Variants in CFAP54 observed in about 807,000 individuals in gnomAD.
CFAP54 encodes cilia and flagella associated protein 54, also known as cilia- and flagella-associated protein 54.
Under a neutral mutation model 370.4 loss-of-function variants are expected in CFAP54, and 290 were observed. The observed-to-expected ratio is 0.78, with a 90% CI of 0.71 to 0.86. CFAP54 has a LOEUF of 0.86. CFAP54 is among the 40% of genes least tolerant of loss of function. The pLI, the probability that CFAP54 is intolerant of heterozygous loss-of-function variation, is 0.00. For synonymous variants in CFAP54, 1,206 were observed against 1,236.5 expected (o/e 0.98, Z 0.52); for missense variants, 3,399 against 3,528.7 (o/e 0.96, Z 0.93).
At chr12:96,589,326 C>T in intron 22 of CFAP54, 101 bp from the exon 23 acceptor site, 1 of 954,312 alleles carries the variant, frequency 1.0e-6, no homozygotes, top group Non-Finnish European at 1.5e-6. Flanking sequence ...TGTGATAGCA[C>T]CTTATAAAAT....
intron 58 of CFAP54, among the ~76,000 whole-genome samples, chr12:96,759,210 C>T (rs531427831): frequency 3.3e-5 from 5 of 151,584 alleles, no homozygotes; most frequent in African/African-American, 7.3e-5. Context: ...GTAAATGGCC[C>T]CTCTTTTTTT....
chr12:96,489,722 C>G lies in CFAP54; in HGVS notation c.113C>G (p.Ser38Trp). 1 of 1,536,066 alleles carries G rather than the reference C, an allele frequency of 6.5e-7. No individual in the cohort carries two copies. Among genetic ancestry groups the G allele is most frequent in the Non-Finnish European group, 8.7e-7 (1 of 1,146,892 alleles). ...GCGACTTCGAGGTCGCCCCCAGAGTCGAAGGGGAGCTCCCGGAGCTCGCTG... is the reference window on the plus strand; with the variant it reads ...GCGACTTCGAGGTCGCCCCCAGAGTGGAAGGGGAGCTCCCGGAGCTCGCTG... Reference protein sequence around the residue: ...STATSRSPPESKGSSRSSLLQ... With the variant: ...STATSRSPPEWKGSSRSSLLQ... The change falls in exon 1 of 68, where the codon TCG becomes TGG. Residue 38 changes from serine (S) to tryptophan (W), a missense_variant. Transcript: ENST00000524981.
At chr12:96,677,497 C>T (rs963525911) in intron 39 of CFAP54, among the ~76,000 whole-genome samples, 5 of 152,066 alleles carry the variant, frequency 3.3e-5, no homozygotes, top group South Asian at 2.1e-4. Context: ...CTACAATCTT[C>T]GGGGTGTTGT....
At chr12:96,802,410 C>T (rs1958829637) in intron 63 of CFAP54, among the ~76,000 whole-genome samples, 1 of 152,164 alleles carries the variant, frequency 6.6e-6, no homozygotes. Flanking sequence ...GGAGACCAAA[C>T]TATCCTAAGC....
At chr12:96,523,707 C>T (rs114398219) in intron 8 of CFAP54, among the ~76,000 whole-genome samples, 18,305 of 52,830 alleles carry the variant, frequency 0.35, 1,182 homozygotes, top group East Asian at 0.47. Context: ...TTTTTCTCCC[C>T]GGCATTTTTT....
At chr12:96,500,622 TA>T (rs902531410) in intron 1 of CFAP54, among the ~76,000 whole-genome samples, 7 of 151,870 alleles carry the variant, frequency 4.6e-5, no homozygotes, top group Admixed American at 2.0e-4. Context: ...GTAAAGTATC[TA>T]AAAAAAATAT....
chr12:96,521,232 C>G (rs981978798), intron 6 of CFAP54, among the ~76,000 whole-genome samples: 1 of 152,122 alleles, frequency 6.6e-6, no homozygotes, highest in Non-Finnish European at 1.5e-5. Context: ...AAATAAGGGA[C>G]ATGAACTCTT....
chr12:96,872,435 A>G (rs1329435247), intron 67 of CFAP54, among the ~76,000 whole-genome samples: 1 of 152,200 alleles, frequency 6.6e-6, no homozygotes, highest in Admixed American at 6.5e-5. Context: ...AAAGACACCA[A>G]CAGATTGAAA....
intron 15 of CFAP54, among the ~76,000 whole-genome samples, chr12:96,551,094 C>G (rs1955688618): frequency 6.6e-6 from 1 of 152,042 alleles, no homozygotes; most frequent in Non-Finnish European, 1.5e-5. Flanking sequence ...TATGGTGAAA[C>G]CATGACTCTG....
intron 63 of CFAP54, among the ~76,000 whole-genome samples, chr12:96,794,142 T>C (rs1162714705): frequency 6.6e-6 from 1 of 152,186 alleles, no homozygotes; most frequent in African/African-American, 2.4e-5. Context: ...ATATGTTATC[T>C]GATACTTTTG....
chr12:96,729,126 G>T (rs55634348), intron 50 of CFAP54, among the ~76,000 whole-genome samples: 1 of 151,834 alleles, frequency 6.6e-6, no homozygotes, highest in African/African-American at 2.4e-5. Flanking sequence ...CGGGGGTCAG[G>T]GGTCGGGGAC....
chr12:96,712,637 A>G (rs1243301525), intron 48 of CFAP54, among the ~76,000 whole-genome samples: 1 of 151,988 alleles, frequency 6.6e-6, no homozygotes, highest in Non-Finnish European at 1.5e-5. Context: ...ATCTAATTTT[A>G]TGTTTGTACC....
intron 51 of CFAP54, among the ~76,000 whole-genome samples, chr12:96,741,785 A>G (rs919124168): frequency 3.9e-5 from 6 of 152,174 alleles, no homozygotes; most frequent in African/African-American, 9.7e-5. Flanking sequence ...AGGGTGGCAA[A>G]TTAATTATAA....
chr12:96,685,904 G>T (rs902139389), intron 42 of CFAP54, among the ~76,000 whole-genome samples: 1 of 152,194 alleles, frequency 6.6e-6, no homozygotes, highest in African/African-American at 2.4e-5. Context: ...GAGGAAGCAG[G>T]AAAACAGTGT....
At chr12:96,761,524 GT>G (rs34913235) in intron 58 of CFAP54, among the ~76,000 whole-genome samples, 3 of 151,298 alleles carry the variant, frequency 2.0e-5, no homozygotes, top group South Asian at 4.2e-4. Flanking sequence ...AGATTGTGGG[GT>G]TTTTTTTGCG....
intron 44 of CFAP54, among the ~76,000 whole-genome samples, chr12:96,691,661 C>T (rs1043474355): frequency 6.6e-6 from 1 of 152,082 alleles, no homozygotes; most frequent in African/African-American, 2.4e-5. Context: ...TTATATCAAT[C>T]CCAAAACTGT....
chr12:96,554,437 C>T, intron 16 of CFAP54, 127 bp downstream of exon 16: 1 of 1,224,382 alleles, frequency 8.2e-7, no homozygotes. Flanking sequence ...AATATATTTC[C>T]CTCTTCCCAG....
chr12:96,826,560 A>T (rs867370032), intron 65 of CFAP54, among the ~76,000 whole-genome samples: 77 of 84,146 alleles, frequency 9.2e-4, no homozygotes, highest in African/African-American at 3.3e-3. Context: ...TATATAATAT[A>T]TAATATATAA....
At chr12:96,747,607 C>T (rs989850633) in intron 55 of CFAP54, among the ~76,000 whole-genome samples, 2 of 152,104 alleles carry the variant, frequency 1.3e-5, no homozygotes, top group African/African-American at 2.4e-5. Context: ...AAGACTAACA[C>T]ACAGGTTATT....
Sources: gnomAD v4.1 joint callset for allele counts (sites outside exome capture counted in the v4.1 genomes callset) on GRCh38, gnomAD v4.1.1 for gene constraint, MANE v1.5 for transcripts, NCBI Gene and HGNC (gene_info 2026-07-23, HGNC 2026-07-21) for gene names.